Variants in TRAPPC9 observed in about 807,000 individuals in gnomAD.
TRAPPC9 encodes trafficking protein particle complex subunit 9.
TRAPPC9 carries 83 observed loss-of-function variants against 124.0 expected under a neutral mutation model. That is an observed-to-expected ratio of 0.67 (90% CI 0.56 to 0.80). TRAPPC9 has a LOEUF of 0.80. Ranked by LOEUF, TRAPPC9 falls within the 30% of genes least tolerant of loss-of-function variation. The pLI, the probability that TRAPPC9 is intolerant of heterozygous loss-of-function variation, is 0.00. For synonymous variants in TRAPPC9, 638 were observed against 617.5 expected (o/e 1.03, Z -0.49); for missense variants, 1,302 against 1,508.3 (o/e 0.86, Z 2.27).
chr8:140,077,585 G>T (rs1282303900), intron 17 of TRAPPC9, among the ~76,000 whole-genome samples: 1 of 151,872 alleles, frequency 6.6e-6, no homozygotes, highest in Non-Finnish European at 1.5e-5. Flanking sequence ...ATTTGAGCAG[G>T]GCAGATGCTT....
intron 20 of TRAPPC9, among the ~76,000 whole-genome samples, chr8:139,897,515 T>A (rs1830738611): frequency 6.6e-6 from 1 of 152,224 alleles, no homozygotes; most frequent in South Asian, 2.1e-4. Flanking sequence ...GAAGGGACAG[T>A]ACCCCAGTCA....
intron 17 of TRAPPC9, among the ~76,000 whole-genome samples, chr8:140,147,860 G>A (rs2061485961): frequency 1.3e-5 from 2 of 152,258 alleles, no homozygotes; most frequent in Admixed American, 1.3e-4. Flanking sequence ...CAAGCACATG[G>A]AGCCTGTGAC....
At chr8:140,238,544 T>C (rs561803511) in intron 16 of TRAPPC9, 1 of 152,342 alleles carries the variant, frequency 6.6e-6, no homozygotes, top group South Asian at 2.1e-4. Flanking sequence ...GGGCTAAATA[T>C]AACGCTGGGC....
intron 17 of TRAPPC9, among the ~76,000 whole-genome samples, chr8:140,047,731 G>A (rs1841707879): frequency 6.6e-6 from 1 of 152,150 alleles, no homozygotes; most frequent in Non-Finnish European, 1.5e-5. Context: ...CCGAGTTCCG[G>A]TGTGCTGGAG....
chr8:139,858,399 C>T (rs1464184212), intron 21 of TRAPPC9, among the ~76,000 whole-genome samples: 1 of 152,242 alleles, frequency 6.6e-6, no homozygotes. Flanking sequence ...GAGACCCAGG[C>T]CAGCTCCTCT....
intron 6 of TRAPPC9, among the ~76,000 whole-genome samples, chr8:140,401,632 A>T (rs958912811): frequency 9.9e-5 from 15 of 151,168 alleles, no homozygotes; most frequent in Admixed American, 6.6e-4. Context: ...ATGAAAAATT[A>T]TTTTTTTTTG....
At position 139,857,621 on chromosome 8, in the gene TRAPPC9, G is replaced by A. The variant is rs534490684; in HGVS notation, c.3055+28258C>T. Among the ~76,000 whole-genome samples, 4 of 152,310 alleles carry A rather than the reference G, an allele frequency of 2.6e-5. No homozygotes were observed. In the South Asian group the frequency reaches 6.2e-4, roughly 24 times the overall value. The stretch of plus-strand genomic sequence containing the variant: ...CAGCCGGAGCAGCCACAGGAGCTCC[G>A]TATGGTGCCCTCTGAGAGTCAGGAG... On this transcript the variant is annotated intron_variant, in intron 21 of 22. Coordinates refer to ENST00000438773, the MANE Select transcript of TRAPPC9 (RefSeq NM_001160372.4).
At chr8:140,135,791 C>T (rs1048656715) in intron 17 of TRAPPC9, among the ~76,000 whole-genome samples, 4 of 152,122 alleles carry the variant, frequency 2.6e-5, no homozygotes, top group African/African-American at 7.2e-5. Flanking sequence ...ATACAAATGT[C>T]GCAATACAAT....
chr8:140,458,550 C>G, upstream of TRAPPC9: 1 of 1,579,578 alleles, frequency 6.3e-7, no homozygotes, highest in Non-Finnish European at 8.6e-7. Context: ...GGTCTTGATC[C>G]CCAGCTGGCA....
rs767474220 is a variant in TRAPPC9, at chr8:140,257,018, G to A, written c.2279-4089C>T. ...CCATTACAGAACAGTCCCAGTAAGT[G>A]TTCAGGTGTCTGAGCTCTCCCTCTG... On this transcript the variant is annotated intron_variant, in intron 15 of 22. Transcript: ENST00000438773. This position sits in a 1 kb window ranked among gnomAD's most constrained non-coding sequence, Gnocchi z 4.6. Among the ~76,000 whole-genome samples, 10 of 152,150 alleles carry A rather than the reference G, an allele frequency of 6.6e-5. No individual in the cohort carries two copies. Among genetic ancestry groups the A allele is most frequent in the Non-Finnish European group, 1.0e-4 (7 of 68,026 alleles).
At chr8:140,043,621 C>G (rs568509075) in intron 17 of TRAPPC9, among the ~76,000 whole-genome samples, 1 of 152,310 alleles carries the variant, frequency 6.6e-6, no homozygotes, top group East Asian at 1.9e-4. Context: ...GCCCTCCAGC[C>G]TACAGCAGGG....
chr8:140,188,540 G>A (rs899469716), intron 17 of TRAPPC9, among the ~76,000 whole-genome samples: 1 of 152,056 alleles, frequency 6.6e-6, no homozygotes, highest in South Asian at 2.1e-4. Context: ...TCTGCTCCCT[G>A]CAAAACTCCA....
At chr8:140,094,341 T>C (rs1254263921) in intron 17 of TRAPPC9, among the ~76,000 whole-genome samples, 3 of 152,112 alleles carry the variant, frequency 2.0e-5, no homozygotes, top group African/African-American at 4.8e-5. Context: ...TCCAGTAACA[T>C]GTAGACAGCC....
intron 7 of TRAPPC9, among the ~76,000 whole-genome samples, chr8:140,373,599 TGCCGAC>T (rs2068346256): frequency 6.6e-6 from 1 of 151,700 alleles, no homozygotes; most frequent in Non-Finnish European, 1.5e-5. Flanking sequence ...TGAAAGGTCA[TGCCGAC>T]GCCGACGATG....
rs369368209 is a variant in TRAPPC9 at position 139,977,074 on chromosome 8, G to A, written c.2810+11652C>T. On this transcript the variant is annotated intron_variant, in intron 19 of 22. Coordinates refer to ENST00000438773, the MANE Select transcript of TRAPPC9 (RefSeq NM_001160372.4). ...CTGAAAACATACAGCAAATGTCTTC[G>A]CATCTTCACCTGATCACTTCCAAAC... Among the ~76,000 whole-genome samples, 59 of 152,242 alleles carry A rather than the reference G, an allele frequency of 3.9e-4. 1 individual carries two copies. In the South Asian group the frequency reaches 0.012, roughly 30 times the overall value.
intron 8 of TRAPPC9, among the ~76,000 whole-genome samples, chr8:140,364,377 T>C (rs2068047193): frequency 6.6e-6 from 1 of 151,488 alleles, no homozygotes; most frequent in African/African-American, 2.4e-5. Flanking sequence ...GGGAATTCCA[T>C]TCACAAGTGC....
chr8:140,272,130 C>CAATGATGATGGTGATGGTGATGGT (rs1450234909), intron 15 of TRAPPC9, among the ~76,000 whole-genome samples: 95 of 100,456 alleles, frequency 9.5e-4, no homozygotes, highest in African/African-American at 2.2e-3. Flanking sequence ...GTGATGGTGG[C>CAATGATGATGGTGATGGTGATGGT]GATGGTGATG....
At chr8:139,946,207 G>A (rs1834203660) in intron 19 of TRAPPC9, among the ~76,000 whole-genome samples, 3 of 152,178 alleles carry the variant, frequency 2.0e-5, no homozygotes, top group Admixed American at 2.0e-4. Flanking sequence ...TCCTGGTGTG[G>A]TCAAATAGGC....
At chr8:140,058,518 G>A (rs1036240839) in intron 17 of TRAPPC9, among the ~76,000 whole-genome samples, 4 of 152,212 alleles carry the variant, frequency 2.6e-5, no homozygotes, top group African/African-American at 7.2e-5. Flanking sequence ...CTGTGCACCC[G>A]GAAAACAGAG....
Sources: allele counts gnomAD v4.1 joint callset (sites outside exome capture counted in the v4.1 genomes callset), GRCh38; gene constraint gnomAD v4.1.1; non-coding constraint Gnocchi (gnomAD v3.1); transcripts MANE v1.5; gene names NCBI Gene and HGNC (gene_info 2026-07-23, HGNC 2026-07-21).